Variants in EXOC6 observed in about 807,000 individuals in gnomAD.
EXOC6 encodes the protein SEC15-like 1.
Under a neutral mutation model 112.5 loss-of-function variants are expected in EXOC6, and 60 were observed. The ratio of observed to expected loss-of-function variants is 0.53; its 90% confidence interval spans 0.43 to 0.66. EXOC6 has a LOEUF of 0.66. EXOC6 is among the 30% of genes least tolerant of loss of function. The pLI is 0.00. For synonymous variants in EXOC6, 295 were observed against 308.0 expected (o/e 0.96, Z 0.44); for missense variants, 855 against 957.1 (o/e 0.89, Z 1.41).
intron 1 of EXOC6, among the ~76,000 whole-genome samples, chr10:92,839,697 A>T (rs911450587): frequency 6.6e-6 from 1 of 152,128 alleles, no homozygotes; most frequent in African/African-American, 2.4e-5. Context: ...TTAGCCCCTT[A>T]GAACAGGTCC....
chr10:92,857,204 C>A (rs1461827688), intron 1 of EXOC6, among the ~76,000 whole-genome samples: 1 of 149,550 alleles, frequency 6.7e-6, no homozygotes, highest in African/African-American at 2.5e-5. Flanking sequence ...TTTACTGCTG[C>A]TTTTGCATTA....
At chr10:92,878,622 AG>A (rs1383732999) in intron 1 of EXOC6, among the ~76,000 whole-genome samples, 1 of 152,138 alleles carries the variant, frequency 6.6e-6, no homozygotes, top group Non-Finnish European at 1.5e-5. Flanking sequence ...ATGCATGCCC[AG>A]GAAGTTGCTT....
At chr10:92,943,096 A>G (rs1380688360) in intron 13 of EXOC6, among the ~76,000 whole-genome samples, 3 of 149,670 alleles carry the variant, frequency 2.0e-5, no homozygotes, top group African/African-American at 7.4e-5. Flanking sequence ...ACCTCGGCTC[A>G]CTGCAATCTC....
At chr10:92,966,281 A>AATAATTATT (rs762102423) in intron 17 of EXOC6, among the ~76,000 whole-genome samples, 6 of 134,954 alleles carry the variant, frequency 4.4e-5, no homozygotes, top group East Asian at 2.1e-4. Flanking sequence ...ATGTAATTAT[A>AATAATTATT]ATTATTATTA....
chr10:93,015,375 T>C (rs1337724833), intron 20 of EXOC6, among the ~76,000 whole-genome samples: 1 of 152,190 alleles, frequency 6.6e-6, no homozygotes, highest in Non-Finnish European at 1.5e-5. Flanking sequence ...AAAAGTAATA[T>C]AAGAAATAGT....
At chr10:92,842,085 G>A (rs1295710626) in intron 1 of EXOC6, among the ~76,000 whole-genome samples, 1 of 152,148 alleles carries the variant, frequency 6.6e-6, no homozygotes, top group Non-Finnish European at 1.5e-5. Flanking sequence ...ACCAGGCCGG[G>A]TGCAGTGGCT....
At chr10:92,873,656 G>A (rs920471653) in intron 1 of EXOC6, among the ~76,000 whole-genome samples, 8 of 151,902 alleles carry the variant, frequency 5.3e-5, no homozygotes, top group Admixed American at 2.0e-4. Context: ...AGCATTTTAC[G>A]AGCACATATA....
intron 5 of EXOC6, among the ~76,000 whole-genome samples, chr10:92,906,573 T>C (rs1456195316): frequency 6.6e-6 from 1 of 152,218 alleles, no homozygotes; most frequent in African/African-American, 2.4e-5. Flanking sequence ...GTCAGAGGTT[T>C]AACATATAGG....
chr10:92,848,629 C>A lies in EXOC6; in HGVS notation c.96C>A (p.Thr32=). 7.0e-7 allele frequency: 1 copy of A among 1,423,996 alleles called. No homozygotes were observed. Among genetic ancestry groups the A allele is most frequent in the East Asian group, 3.5e-5 (1 of 28,342 alleles). The allele number at this position is 1,423,996 out of a possible 1,614,324, so 88.2% of individuals were successfully genotyped here. Reference sequence around the variant, plus strand: ...CCGACACCGCCTGTGTGGGGCCCACCCTCCGGTAAAGATCTCATCCCACCG... The same window carrying A: ...CCGACACCGCCTGTGTGGGGCCCACACTCCGGTAAAGATCTCATCCCACCG... ...ESTDTACVGP[T]LRSVYDDQPN... is the part of the protein sequence containing the mutation. Residue 32 remains threonine (T), a synonymous_variant, in exon 1 of 22, where the codon ACC becomes ACA. Coordinates refer to ENST00000260762, the MANE Select transcript of EXOC6 (RefSeq NM_019053.6).
rs1484804247 is a variant in EXOC6 at position 92,940,844 on chromosome 10, C to G, written c.1310+20C>G. 1 of 1,441,198 alleles carries G rather than the reference C, an allele frequency of 6.9e-7. No homozygotes were observed. Among genetic ancestry groups the G allele is most frequent in the Admixed American group, 1.8e-5 (1 of 55,378 alleles). 89.3% of individuals were successfully genotyped at this position (1,441,198 alleles called of 1,614,324 possible). The stretch of plus-strand genomic sequence containing the variant: ...TTTCAGGTTAGTCTAAGTCATGGTG[C>G]CTTAATATAATGAATATGTTTGTCA... On this transcript the variant is annotated intron_variant, in intron 13 of 21. Transcript: ENST00000260762.
In EXOC6 at chr10:93,058,164, G is replaced by C. The variant is rs146232423; in HGVS notation, c.2283-59G>C. 175 of 1,519,556 alleles carry C rather than the reference G, an allele frequency of 1.2e-4. No individual in the cohort carries two copies. In the African/African-American group the frequency reaches 2.2e-3, roughly 20 times the overall value. The allele number at this position is 1,519,556 out of a possible 1,614,324, so 94.1% of individuals were successfully genotyped here. On this transcript the variant is annotated intron_variant, in intron 21 of 21. Transcript: ENST00000260762. ...CAGAGCATGCCAAGATATTTTACTT[G>C]TGACAGCTTAGCTTTTAATTTTCTT... is the stretch of plus-strand genomic sequence containing the variant.
At chr10:93,024,831 A>G (rs1844952378) in intron 20 of EXOC6, among the ~76,000 whole-genome samples, 1 of 152,178 alleles carries the variant, frequency 6.6e-6, no homozygotes, top group African/African-American at 2.4e-5. Flanking sequence ...TCCTTTGGCA[A>G]ATGCTTTAAG....
intron 13 of EXOC6, among the ~76,000 whole-genome samples, chr10:92,944,767 C>T (rs924836385): frequency 4.1e-5 from 6 of 145,118 alleles, no homozygotes; most frequent in Non-Finnish European, 3.0e-5. Flanking sequence ...GGTGATACCT[C>T]GTTGTATTTT....
At position 93,038,258 on chromosome 10, in the gene EXOC6, G is replaced by T. The variant is rs1257096119; in HGVS notation, c.2170-18666G>T. Reference sequence around the variant, plus strand: ...TCCTATTTTCAGTTATGATCTTTTTGCTACATAAAATAATATTCCCTAGAC... The same window carrying T: ...TCCTATTTTCAGTTATGATCTTTTTTCTACATAAAATAATATTCCCTAGAC... On this transcript the variant is annotated intron_variant, in intron 20 of 21. Coordinates refer to ENST00000260762, the MANE Select transcript of EXOC6 (RefSeq NM_019053.6). 5.3e-5 allele frequency among the ~76,000 whole-genome samples: 8 copies of T among 151,884 alleles called. 1 individual carries two copies. Among genetic ancestry groups the T allele is most frequent in the Non-Finnish European group, 1.2e-4 (8 of 67,992 alleles).
intron 12 of EXOC6, among the ~76,000 whole-genome samples, chr10:92,936,673 G>C (rs75902805): frequency 0.022 from 3,340 of 152,248 alleles, 57 homozygotes; most frequent in African/African-American, 0.041. Flanking sequence ...CTCCCCTTCG[G>C]ATATTAAAAG....
chr10:92,899,648 A>G lies in EXOC6; in HGVS notation c.458+4A>G, dbSNP rs1240260214. 4 of 1,606,522 alleles carry G rather than the reference A, an allele frequency of 2.5e-6. No homozygotes were observed. In the African/African-American group the frequency reaches 5.4e-5, roughly 22 times the overall value. On this transcript the variant is annotated splice_donor_region_variant and intron_variant, in intron 5 of 21. Transcript: ENST00000260762. ...AAGAACAGATGAGTGCCAAAAGGTG[A>G]GTTGGTTTTTTTCCTATTGTTTTAA...
intron 11 of EXOC6, among the ~76,000 whole-genome samples, chr10:92,935,527 AATAC>A (rs1417599138): frequency 6.6e-6 from 1 of 152,120 alleles, no homozygotes; most frequent in Non-Finnish European, 1.5e-5. Flanking sequence ...GAAATGTGAA[AATAC>A]ATAGTCTATT....
At chr10:92,831,591 G>A (rs1433712846), upstream of EXOC6, among the ~76,000 whole-genome samples, 3 of 151,898 alleles carry the variant, frequency 2.0e-5, no homozygotes, top group African/African-American at 4.8e-5. Flanking sequence ...GTGCCACCAT[G>A]CCTGGCTAAT....
At chr10:92,918,024 A>G (rs1268152240) in intron 7 of EXOC6, among the ~76,000 whole-genome samples, 4 of 152,164 alleles carry the variant, frequency 2.6e-5, no homozygotes, top group Non-Finnish European at 5.9e-5. Flanking sequence ...TAGTGCCTGT[A>G]TTCCCAGCTA....
Sources: gnomAD v4.1 joint callset for allele counts (sites outside exome capture counted in the v4.1 genomes callset) on GRCh38, gnomAD v4.1.1 for gene constraint, MANE v1.5 for transcripts, NCBI Gene and HGNC (gene_info 2026-07-23, HGNC 2026-07-21) for gene names.